The following WLS variants were observed in gnomAD, a reference collection of about 807,000 sequenced individuals.
WLS encodes the protein Wnt ligand secretion mediator, also known as protein wntless homolog.
In WLS, 23 loss-of-function variants were observed where a neutral mutation model predicts 62.8. The ratio of observed to expected loss-of-function variants is 0.37; its 90% CI spans 0.26 to 0.52. WLS has a LOEUF of 0.52. WLS is among the 20% of genes least tolerant of loss of function. The pLI is 0.92. For missense variants in WLS, 615 were observed against 697.3 expected, an observed-to-expected ratio of 0.88 and a Z score of 1.33; for synonymous variants, 246 against 244.1, an observed-to-expected ratio of 1.01 and a Z score of -0.07.
chr1:68,169,500 C>T (rs986544500), intron 2 of WLS, among the ~76,000 whole-genome samples: 1 of 152,220 alleles, frequency 6.6e-6, no homozygotes, highest in Non-Finnish European at 1.5e-5. Context: ...ATGCAAGTCA[C>T]CCTCTCCAGT....
intron 11 of WLS, chr1:68,127,194 TAAAA>T (rs1491265604): frequency 4.3e-6 from 1 of 234,402 alleles, no homozygotes. Flanking sequence ...ACTTTGACTC[TAAAA>T]AAATAAAAAA....
chr1:68,131,529 G>A (rs1303286654), intron 11 of WLS, among the ~76,000 whole-genome samples: 1 of 152,050 alleles, frequency 6.6e-6, no homozygotes, highest in Non-Finnish European at 1.5e-5. Context: ...CAACCCCAGA[G>A]GTCATTTATT....
At position 68,145,426 on chromosome 1, in the gene WLS, A is replaced by G. The variant is rs190213565; in HGVS notation, c.1278+443T>C. On this transcript the variant is annotated intron_variant, in intron 9 of 11. Transcript: ENST00000262348. Reference sequence around the variant, plus strand: ...AACTCTGTCTGAGCATCTGCTGGATATTTTAGGGGAATGTGGCCTGTTAAG... The same window carrying G: ...AACTCTGTCTGAGCATCTGCTGGATGTTTTAGGGGAATGTGGCCTGTTAAG... 1.4e-3 allele frequency among the ~76,000 whole-genome samples: 217 copies of G among 152,242 alleles called. 4 individuals carry two copies. The highest frequency in any genetic ancestry group is 1.7e-3 in the Non-Finnish European group (116 of 67,998).
intron 3 of WLS, among the ~76,000 whole-genome samples, chr1:68,156,380 G>C (rs1180703757): frequency 6.6e-6 from 1 of 152,186 alleles, no homozygotes; most frequent in Non-Finnish European, 1.5e-5. Context: ...TGAGAAGAAA[G>C]AAGATAACAA....
intron 11 of WLS, among the ~76,000 whole-genome samples, chr1:68,136,374 C>T (rs1646610590): frequency 6.6e-6 from 1 of 152,178 alleles, no homozygotes; most frequent in Admixed American, 6.5e-5. Flanking sequence ...TCATCTTCCA[C>T]CTCTACACAA....
intron 11 of WLS, among the ~76,000 whole-genome samples, chr1:68,115,285 A>G (rs1302634589): frequency 6.6e-6 from 1 of 152,164 alleles, no homozygotes; most frequent in East Asian, 1.9e-4. Flanking sequence ...GATTGCACCA[A>G]CACACATGCC....
intron 1 of WLS, among the ~76,000 whole-genome samples, chr1:68,224,652 G>A (rs762704046): frequency 4.6e-5 from 7 of 152,170 alleles, no homozygotes; most frequent in Non-Finnish European, 8.8e-5. Context: ...AATGGCTGGT[G>A]TAGGCAGTTC....
At chr1:68,230,588 C>CGCGTGTGTGT (rs1553139180) in intron 1 of WLS, among the ~76,000 whole-genome samples, 1 of 149,156 alleles carries the variant, frequency 6.7e-6, no homozygotes, top group Non-Finnish European at 1.5e-5. Flanking sequence ...TGTGTGCGCG[C>CGCGTGTGTGT]GTGTGTGTGT....
At chr1:68,191,168 G>C (rs1648281866) in intron 2 of WLS, among the ~76,000 whole-genome samples, 1 of 152,092 alleles carries the variant, frequency 6.6e-6, no homozygotes, top group Non-Finnish European at 1.5e-5. Context: ...ATTATTACAG[G>C]GTAAATCTTT....
intron 11 of WLS, among the ~76,000 whole-genome samples, chr1:68,111,736 A>G (rs990572493): frequency 6.6e-6 from 1 of 152,152 alleles, no homozygotes; most frequent in Non-Finnish European, 1.5e-5. Flanking sequence ...TCTCCACCCA[A>G]ACCCACAGGT....
chr1:68,210,091 T>G (rs941000281), intron 1 of WLS, among the ~76,000 whole-genome samples: 2 of 152,234 alleles, frequency 1.3e-5, no homozygotes, highest in African/African-American at 4.8e-5. Flanking sequence ...CTCAGCAGTA[T>G]GGATGTCTTT....
chr1:68,181,821 C>T (rs1338516962), intron 2 of WLS, among the ~76,000 whole-genome samples: 2 of 152,180 alleles, frequency 1.3e-5, no homozygotes, highest in African/African-American at 4.8e-5. Context: ...TGACAAGAAC[C>T]ACAAACACTC....
intron 11 of WLS, among the ~76,000 whole-genome samples, chr1:68,128,575 T>G (rs961620663): frequency 6.6e-5 from 10 of 152,230 alleles, no homozygotes; most frequent in Admixed American, 6.5e-4. Context: ...TACTCAGGCT[T>G]TGAACCAAAG....
intron 1 of WLS, among the ~76,000 whole-genome samples, chr1:68,213,117 T>G (rs1649580356): frequency 6.6e-6 from 1 of 152,160 alleles, no homozygotes; most frequent in South Asian, 2.1e-4. Context: ...TCTGTTTTTA[T>G]TTGCCAAGGG....
At chr1:68,198,360 C>T (rs963577734) in intron 1 of WLS, among the ~76,000 whole-genome samples, 1 of 152,092 alleles carries the variant, frequency 6.6e-6, no homozygotes, top group African/African-American at 2.4e-5. Context: ...CAAACATGAC[C>T]ATTTTATTTT....
At chr1:68,193,851 C>T (rs575002252) in intron 2 of WLS, 104 bp downstream of exon 2, 16 of 1,429,350 alleles carry the variant, frequency 1.1e-5, no homozygotes, top group Middle Eastern at 2.5e-4. Context: ...TAATTGTTTG[C>T]TATTACTATT....
At chr1:68,174,604 T>TA (rs1647204715) in intron 2 of WLS, among the ~76,000 whole-genome samples, 1 of 152,142 alleles carries the variant, frequency 6.6e-6, no homozygotes, top group Admixed American at 6.5e-5. Flanking sequence ...CCTCCCTCAA[T>TA]AAAAGCCACC....
rs555605208 is a variant in WLS, at chr1:68,193,240, G to C, written c.379+715C>G. Among the ~76,000 whole-genome samples, 4 of 151,288 alleles carry C rather than the reference G, an allele frequency of 2.6e-5. No individual in the cohort carries two copies. The East Asian group carries it at 7.8e-4, about 29-fold the overall frequency. The stretch of plus-strand genomic sequence containing the variant: ...TCCTTGATCCCATCTCAGTCAAAAA[G>C]GAAAAAACAAAAAGTTTTCTTACTT... On this transcript the variant is annotated intron_variant, in intron 2 of 11. Coordinates refer to ENST00000262348, the MANE Select transcript of WLS (RefSeq NM_024911.7).
downstream of WLS, among the ~76,000 whole-genome samples, chr1:68,122,716 A>G (rs557002480): frequency 5.9e-5 from 9 of 152,360 alleles, 1 homozygote; most frequent in African/African-American, 2.2e-4. Flanking sequence ...CCTTACTAAA[A>G]GCATTTTCTC....
Sources: allele counts gnomAD v4.1 joint callset (sites outside exome capture counted in the v4.1 genomes callset), GRCh38; gene constraint gnomAD v4.1.1; transcripts MANE v1.5; gene names NCBI Gene and HGNC (gene_info 2026-07-23, HGNC 2026-07-21).